ASXL3: variants seen among roughly 807,000 people sequenced by gnomAD.
ASXL3 encodes putative Polycomb group protein ASXL3.
Under a neutral mutation model 170.6 loss-of-function variants are expected in ASXL3, and 34 were observed. The ratio of observed to expected loss-of-function variants is 0.20; its 90% CI spans 0.15 to 0.27. The LOEUF (loss-of-function observed/expected upper bound fraction) is 0.27, where lower values mean the gene tolerates loss of function less well. Ranked by LOEUF, ASXL3 falls within the 10% of genes least tolerant of loss-of-function variation. The pLI, the probability that ASXL3 is intolerant of heterozygous loss-of-function variation, is 1.00. For synonymous variants in ASXL3, 1,002 were observed against 989.1 expected (o/e 1.01, Z -0.24); for missense variants, 2,592 against 2,695.3 (o/e 0.96, Z 0.85).
chr18:33,617,075 A>G (rs1428061682), intron 2 of ASXL3, among the ~76,000 whole-genome samples: 1 of 152,184 alleles, frequency 6.6e-6, no homozygotes, highest in African/African-American at 2.4e-5. Flanking sequence ...TATCTGATTC[A>G]TTTTGAAAGT....
At chr18:33,585,324 G>A (rs2065026229) in intron 1 of ASXL3, among the ~76,000 whole-genome samples, 1 of 151,970 alleles carries the variant, frequency 6.6e-6, no homozygotes, top group Non-Finnish European at 1.5e-5. Context: ...GTTGGTAGCT[G>A]CCAAAATCTA....
At chr18:33,682,942 C>T (rs2066537010) in intron 7 of ASXL3, among the ~76,000 whole-genome samples, 1 of 152,196 alleles carries the variant, frequency 6.6e-6, no homozygotes, top group South Asian at 2.1e-4. Context: ...GCTTAGTGCA[C>T]TGCCTGACAC....
chr18:33,678,223 T>TAGC (rs1391418055), intron 7 of ASXL3, among the ~76,000 whole-genome samples: 11 of 152,238 alleles, frequency 7.2e-5, no homozygotes, highest in Admixed American at 1.3e-4. Context: ...CCACTACACC[T>TAGC]AGCAGAGCTG....
rs745948957 is a variant in ASXL3, at chr18:33,644,920, A to C, written c.164A>C (p.Asn55Thr). The C allele has an allele frequency of 5.3e-5, 83 of 1,580,546 alleles. No homozygotes were observed. Among genetic ancestry groups the C allele is most frequent in the Non-Finnish European group, 7.1e-5 (82 of 1,161,410 alleles). ...TSGTSPLACL[N>T]AMLHTNTRIG... ...GGAACCTCTCCATTAGCCTGTCTGA[A>C]TGCAATGCTTCACACTAACACTCGA... is the stretch of plus-strand genomic sequence containing the variant. Residue 55 changes from asparagine (N) to threonine (T), a missense_variant, in exon 3 of 12, where the codon AAT (asparagine) becomes ACT (threonine). Asn to Thr is a moderately conservative substitution (Grantham distance 65, BLOSUM62 0). Coordinates refer to ENST00000269197, the MANE Select transcript of ASXL3 (RefSeq NM_030632.3).
rs989548988 is a variant in ASXL3, at chr18:33,750,896, C to G, written c.*4301C>G. On this transcript the variant is annotated 3_prime_UTR_variant, in exon 12 of 12. Transcript: ENST00000269197. ...AGACTGCGACAATTTAATACTGTTA[C>G]GCTTGCTTTGATACCTGACTAAATG... The G allele has an allele frequency of 2.6e-5, 4 of 152,194 alleles. No homozygotes were observed. Among genetic ancestry groups the G allele is most frequent in the Admixed American group, 6.5e-5 (1 of 15,274 alleles). The allele number at this position is 152,194 out of a possible 1,614,324, so 9.4% of individuals were successfully genotyped here.
chr18:33,670,577 T>C, intron 5 of ASXL3, 96 bp from the exon 6 acceptor site: 1 of 853,886 alleles, frequency 1.2e-6, no homozygotes, highest in South Asian at 2.1e-5. Context: ...TCTTAAGAGG[T>C]TCTATGTAAT....
Position 33,683,982 on chromosome 18 carries a change from T to C in ASXL3, c.879+414T>C, listed in dbSNP as rs116953953. ...ATTTCCAAAAGGCATTTAAAATTTATGTTTGCAATTGCTCTCTGAGAGTCT... is the reference window on the plus strand; with the variant it reads ...ATTTCCAAAAGGCATTTAAAATTTACGTTTGCAATTGCTCTCTGAGAGTCT... On this transcript the variant is annotated intron_variant, in intron 8 of 11. Coordinates refer to ENST00000269197, the MANE Select transcript of ASXL3 (RefSeq NM_030632.3). 9.8e-3 allele frequency among the ~76,000 whole-genome samples: 1,492 copies of C among 152,332 alleles called. 14 individuals are homozygous for C. The highest frequency in any genetic ancestry group is 0.014 in the Non-Finnish European group (960 of 68,018).
chr18:33,634,183 C>T (rs1479662020), intron 2 of ASXL3, among the ~76,000 whole-genome samples: 2 of 151,850 alleles, frequency 1.3e-5, no homozygotes, highest in Non-Finnish European at 2.9e-5. Context: ...TGAATCAAGG[C>T]AAGAATCTGA....
At chr18:33,587,177 C>T (rs1186199540) in intron 1 of ASXL3, among the ~76,000 whole-genome samples, 3 of 152,138 alleles carry the variant, frequency 2.0e-5, no homozygotes, top group Non-Finnish European at 4.4e-5. Context: ...AAGCCCTTTT[C>T]AAAACTGACA....
At chr18:33,714,103 T>A (rs1469884010) in intron 8 of ASXL3, among the ~76,000 whole-genome samples, 1 of 152,158 alleles carries the variant, frequency 6.6e-6, no homozygotes, top group Non-Finnish European at 1.5e-5. Flanking sequence ...AGGCCAGCAA[T>A]CCACCTTAAT....
At chr18:33,639,800 T>C (rs1377317331) in intron 2 of ASXL3, among the ~76,000 whole-genome samples, 1 of 152,182 alleles carries the variant, frequency 6.6e-6, no homozygotes, top group East Asian at 1.9e-4. Flanking sequence ...CTACTTGTTG[T>C]ACAAACAGAC....
intron 8 of ASXL3, among the ~76,000 whole-genome samples, chr18:33,722,895 C>G (rs904732842): frequency 3.3e-5 from 5 of 152,114 alleles, no homozygotes; most frequent in Non-Finnish European, 5.9e-5. Context: ...ATTTGCCATT[C>G]CAAAAATCCT....
chr18:33,732,320 T>C (rs1021960580), intron 9 of ASXL3, among the ~76,000 whole-genome samples: 3 of 152,222 alleles, frequency 2.0e-5, no homozygotes, highest in African/African-American at 4.8e-5. Flanking sequence ...TTCTTGCGGA[T>C]GGTAATTTTA....
intron 7 of ASXL3, among the ~76,000 whole-genome samples, chr18:33,674,579 G>A (rs1315782122): frequency 6.6e-6 from 1 of 152,054 alleles, no homozygotes; most frequent in Non-Finnish European, 1.5e-5. Flanking sequence ...TGGAATGAAA[G>A]GATGGGCCTT....
Position 33,738,990 on chromosome 18 carries a change from A to G in ASXL3, c.1586A>G (p.Glu529Gly). ...IEGKSESPQE[E>G]MTVVIDQLEV... ...GGGAAGTCAGAATCACCCCAGGAAG[A>G]AATGACAGTTGTTATCGATCAGTTA... is the stretch of plus-strand genomic sequence containing the variant. The change falls in exon 11 of 12, where the codon GAA becomes GGA. Residue 529 changes from glutamate (E) to glycine (G), a missense_variant. This residue lies in a region of ASXL3 where 2,246 missense variants were observed against 2,219.6 expected (regional missense o/e 1.01). Coordinates refer to ENST00000269197, the MANE Select transcript of ASXL3 (RefSeq NM_030632.3). 1 of 1,613,828 alleles carries G rather than the reference A, an allele frequency of 6.2e-7. No homozygotes were observed. The highest frequency in any genetic ancestry group is 8.5e-7 in the Non-Finnish European group (1 of 1,179,848).
At position 33,740,840 on chromosome 18, in the gene ASXL3, C is replaced by CTAAG. The variant is rs553270144; in HGVS notation, c.3039+399_3039+402dup. 3.4e-4 allele frequency among the ~76,000 whole-genome samples: 52 copies of CTAAG among 151,976 alleles called. 1 individual carries two copies. Among genetic ancestry groups the CTAAG allele is most frequent in the African/African-American group, 1.2e-3 (51 of 41,292 alleles). ...CACCATAAACCCAGTGTAATTTTTT[C>CTAAG]TAAGTTTCTGCTCTCTGTCACTTAT... On this transcript the variant is annotated intron_variant, in intron 11 of 11. Transcript: ENST00000269197.
chr18:33,600,544 CATT>C (rs1168386755), intron 1 of ASXL3, among the ~76,000 whole-genome samples: 2 of 152,034 alleles, frequency 1.3e-5, no homozygotes, highest in Non-Finnish European at 2.9e-5. Context: ...TTTTACATAT[CATT>C]ATTTAAACAA....
intron 2 of ASXL3, among the ~76,000 whole-genome samples, chr18:33,612,894 AGTTT>A (rs1555719708): frequency 1.3e-5 from 2 of 152,044 alleles, no homozygotes; most frequent in Non-Finnish European, 2.9e-5. Context: ...ATGGTGGTCT[AGTTT>A]GTTTGTGTTG....
chr18:33,686,005 T>C (rs1208732631), intron 8 of ASXL3, among the ~76,000 whole-genome samples: 1 of 152,244 alleles, frequency 6.6e-6, no homozygotes, highest in East Asian at 1.9e-4. Flanking sequence ...AATACTTTTG[T>C]AATGAAGAAA....
Sources: allele counts gnomAD v4.1 joint callset (sites outside exome capture counted in the v4.1 genomes callset), GRCh38; gene constraint gnomAD v4.1.1; regional missense constraint gnomAD v4.1.1; transcripts MANE v1.5; gene names NCBI Gene and HGNC (gene_info 2026-07-23, HGNC 2026-07-21).